AGBL4: variants seen among roughly 807,000 people sequenced by gnomAD.
AGBL4 encodes cytosolic carboxypeptidase 6.
Under a neutral mutation model 66.4 loss-of-function variants are expected in AGBL4, and 58 were observed. The ratio of observed to expected loss-of-function variants is 0.87; its 90% confidence interval spans 0.71 to 1.09. The LOEUF (loss-of-function observed/expected upper bound fraction) is 1.09. AGBL4 is among the 50% of genes least tolerant of loss of function. AGBL4 has a pLI of 0.00. For missense variants in AGBL4, 579 were observed against 631.0 expected (o/e 0.92, Z 0.88); for synonymous variants, 234 against 222.9 (o/e 1.05, Z -0.44).
At chr1:49,206,139 G>C (rs530404454) in intron 4 of AGBL4, among the ~76,000 whole-genome samples, 1 of 152,222 alleles carries the variant, frequency 6.6e-6, no homozygotes, top group South Asian at 2.1e-4. Flanking sequence ...GAGAGAAGTG[G>C]GCAAAGAAAA....
At chr1:49,372,891 TG>T (rs1644395780) in intron 3 of AGBL4, among the ~76,000 whole-genome samples, 1 of 151,982 alleles carries the variant, frequency 6.6e-6, no homozygotes, top group African/African-American at 2.4e-5. Flanking sequence ...CCTGAGTAGC[TG>T]GGACTATAGG....
At chr1:49,820,992 T>C (rs1457053992) in intron 2 of AGBL4, among the ~76,000 whole-genome samples, 4 of 152,226 alleles carry the variant, frequency 2.6e-5, no homozygotes, top group African/African-American at 9.6e-5. Context: ...GAAAACACTT[T>C]GTTAATCATA....
intron 4 of AGBL4, among the ~76,000 whole-genome samples, chr1:49,120,484 G>C (rs191493012): frequency 1.3e-5 from 2 of 152,244 alleles, no homozygotes; most frequent in East Asian, 1.9e-4. Context: ...CTTGAAAAAA[G>C]TTGAAAAGTC....
chr1:48,606,315 T>C (rs996360863), intron 9 of AGBL4, among the ~76,000 whole-genome samples: 1 of 152,354 alleles, frequency 6.6e-6, no homozygotes, highest in Admixed American at 6.5e-5. Context: ...GATTTGCTCA[T>C]TCTTTGTAAA....
intron 1 of AGBL4, among the ~76,000 whole-genome samples, chr1:49,852,142 A>G (rs900850560): frequency 6.6e-6 from 1 of 152,154 alleles, no homozygotes; most frequent in African/African-American, 2.4e-5. Context: ...TAACAACAAC[A>G]AATATCTCAA....
intron 3 of AGBL4, among the ~76,000 whole-genome samples, chr1:49,687,495 A>G (rs1646808041): frequency 6.6e-6 from 1 of 152,130 alleles, no homozygotes; most frequent in African/African-American, 2.4e-5. Flanking sequence ...ATATGGGCAG[A>G]GCACAACGGT....
At chr1:49,576,813 G>C (rs1243317340) in intron 3 of AGBL4, among the ~76,000 whole-genome samples, 1 of 152,164 alleles carries the variant, frequency 6.6e-6, no homozygotes, top group African/African-American at 2.4e-5. Context: ...AGTTGACAGA[G>C]AGACAGAAGA....
intron 6 of AGBL4, among the ~76,000 whole-genome samples, chr1:48,700,142 C>T (rs535124644): frequency 8.5e-5 from 13 of 152,266 alleles, no homozygotes; most frequent in African/African-American, 2.6e-4. Context: ...CTAGAAGGTG[C>T]CCAGCAGATA....
chr1:49,051,628 GC>G (rs944671501), intron 4 of AGBL4, among the ~76,000 whole-genome samples: 7 of 152,084 alleles, frequency 4.6e-5, no homozygotes, highest in Non-Finnish European at 8.8e-5. Flanking sequence ...TGAGCCATTT[GC>G]CCCCCTCCTT....
At chr1:49,684,746 G>GT (rs1646756835) in intron 3 of AGBL4, among the ~76,000 whole-genome samples, 1 of 152,048 alleles carries the variant, frequency 6.6e-6, no homozygotes, top group Non-Finnish European at 1.5e-5. Context: ...TTTGGCTATC[G>GT]TAACAGGTTT....
chr1:48,785,050 C>T (rs1295493797), intron 6 of AGBL4, among the ~76,000 whole-genome samples: 1 of 152,142 alleles, frequency 6.6e-6, no homozygotes, highest in Non-Finnish European at 1.5e-5. Context: ...ATTAAATTAA[C>T]TCATTCTGTA....
At chr1:49,722,067 G>T (rs543824574) in intron 2 of AGBL4, among the ~76,000 whole-genome samples, 15 of 152,066 alleles carry the variant, frequency 9.9e-5, no homozygotes, top group Non-Finnish European at 1.8e-4. Flanking sequence ...AAGCTTTAAG[G>T]TTCCTCAGTT....
chr1:49,010,007 T>C (rs1662256124), intron 5 of AGBL4, among the ~76,000 whole-genome samples: 1 of 152,076 alleles, frequency 6.6e-6, no homozygotes, highest in South Asian at 2.1e-4. Context: ...CTATTCAACA[T>C]AGTGATGGTA....
intron 6 of AGBL4, among the ~76,000 whole-genome samples, chr1:48,750,063 C>T (rs1651432083): frequency 6.6e-6 from 1 of 152,190 alleles, no homozygotes; most frequent in Admixed American, 6.5e-5. Context: ...GTCTGCCCAA[C>T]AAATCAATCC....
chr1:49,055,412 G>C (rs1421252869), intron 4 of AGBL4, among the ~76,000 whole-genome samples: 1 of 151,992 alleles, frequency 6.6e-6, no homozygotes, highest in Non-Finnish European at 1.5e-5. Context: ...TTTATAAAAT[G>C]TGCTCTAAGT....
intron 3 of AGBL4, among the ~76,000 whole-genome samples, chr1:49,372,727 C>A (rs764004525): frequency 2.8e-5 from 4 of 143,706 alleles, no homozygotes; most frequent in Non-Finnish European, 6.1e-5. Context: ...CTCTTTCTTT[C>A]TTTCCCTCTC....
intron 3 of AGBL4, among the ~76,000 whole-genome samples, chr1:49,619,746 C>G (rs574057519): frequency 6.6e-6 from 1 of 152,256 alleles, no homozygotes; most frequent in South Asian, 2.1e-4. Flanking sequence ...GTAACCCAAA[C>G]AGCATGGTAC....
intron 5 of AGBL4, among the ~76,000 whole-genome samples, chr1:48,930,807 C>T (rs1320728667): frequency 6.6e-6 from 1 of 152,116 alleles, no homozygotes; most frequent in Non-Finnish European, 1.5e-5. Flanking sequence ...TTCATTCACT[C>T]ATTCATTCAT....
chr1:48,631,028 C>T (rs751758837), intron 9 of AGBL4, among the ~76,000 whole-genome samples: 1 of 152,150 alleles, frequency 6.6e-6, no homozygotes, highest in Non-Finnish European at 1.5e-5. Flanking sequence ...GCTGTGAACT[C>T]GGCACCCAGC....
Sources: allele counts gnomAD v4.1 joint callset (sites outside exome capture counted in the v4.1 genomes callset), GRCh38; gene constraint gnomAD v4.1.1; transcripts MANE v1.5; gene names NCBI Gene and HGNC (gene_info 2026-07-23, HGNC 2026-07-21).